FIG4: variants seen among roughly 807,000 people sequenced by gnomAD.
FIG4 encodes the protein FIG4 phosphoinositide 5-phosphatase.
A neutral mutation model predicts 118.6 loss-of-function variants in FIG4; 112 were observed. That is an observed-to-expected ratio of 0.94 (90% CI 0.81 to 1.11). The LOEUF (loss-of-function observed/expected upper bound fraction) is 1.11, where lower values mean the gene tolerates loss of function less well. FIG4 is among the 50% of genes least tolerant of loss of function. The pLI is 0.00. For missense variants in FIG4, 969 were observed against 1,111.7 expected, an observed-to-expected ratio of 0.87 and a Z score of 1.83; for synonymous variants, 369 against 381.2, an observed-to-expected ratio of 0.97 and a Z score of 0.37.
chr6:109,795,095 GTTTTTTTTTTTTTTTTTTTTTT>G (rs571649446), intron 21 of FIG4, among the ~76,000 whole-genome samples: 15 of 57,250 alleles, frequency 2.6e-4, no homozygotes, highest in South Asian at 1.4e-3. Context: ...ACACTTGCCA[GTTTTTTTTTTTTTTTTTTTTTT>G]TTTTTTTTTT....
chr6:109,705,680 T>A (rs1447085895), intron 1 of FIG4, among the ~76,000 whole-genome samples: 2 of 152,132 alleles, frequency 1.3e-5, no homozygotes, highest in Admixed American at 1.3e-4. Context: ...CATGTCAGGA[T>A]TTATATCTGT....
intron 9 of FIG4, 82 bp downstream of exon 9, chr6:109,743,354 T>C (rs1348063197): frequency 7.1e-7 from 1 of 1,406,086 alleles, no homozygotes; most frequent in Non-Finnish European, 1.0e-6. Context: ...ATCTCATAAA[T>C]GCTTAGGTTT....
rs549476604 is a variant in FIG4, at chr6:109,718,220, C to T, written c.289+1652C>T. On this transcript the variant is annotated intron_variant, in intron 3 of 22. Coordinates refer to ENST00000230124, the MANE Select transcript of FIG4 (RefSeq NM_014845.6). ...CAGATCTCATGACAACTCTGTATCACGAGAACAGCACCAAAGGGGTGGTTG... is the reference window on the plus strand; with the variant it reads ...CAGATCTCATGACAACTCTGTATCATGAGAACAGCACCAAAGGGGTGGTTG... Among the ~76,000 whole-genome samples, 53 of 152,234 alleles carry T rather than the reference C, an allele frequency of 3.5e-4. No homozygotes were observed. In the South Asian group the frequency reaches 6.0e-3, roughly 17 times the overall value.
At chr6:109,764,274 T>C (rs927821053) in intron 13 of FIG4, among the ~76,000 whole-genome samples, 1 of 151,846 alleles carries the variant, frequency 6.6e-6, no homozygotes, top group Non-Finnish European at 1.5e-5. Flanking sequence ...CTGTCTCTAC[T>C]AAAAATACAA....
chr6:109,741,803 A>AT (rs1776332446), intron 8 of FIG4, among the ~76,000 whole-genome samples: 1 of 152,118 alleles, frequency 6.6e-6, no homozygotes, highest in Non-Finnish European at 1.5e-5. Flanking sequence ...GTATACTTTA[A>AT]ATCATCTCTA....
At position 109,767,019 on chromosome 6, in the gene FIG4, T is replaced by C; in HGVS notation, c.1750+124T>C. On this transcript the variant is annotated intron_variant, in intron 15 of 22. Transcript: ENST00000230124. The stretch of plus-strand genomic sequence containing the variant: ...TTTTAAAAGTTTAAATAAAACAGTC[T>C]GTCACTTAGAAGGTGCTCAGTAAAT... 5.1e-6 allele frequency: 4 copies of C among 780,640 alleles called. No homozygotes were observed. In the South Asian group the frequency reaches 6.5e-5, roughly 13 times the overall value. The allele number at this position is 780,640 out of a possible 1,614,324, so 48.4% of individuals were successfully genotyped here. A position where few individuals can be genotyped will look rare whatever the true frequency, so the allele number is the denominator to read the frequency against.
intron 18 of FIG4, among the ~76,000 whole-genome samples, chr6:109,787,321 T>C (rs1778000083): frequency 6.6e-6 from 1 of 152,224 alleles, no homozygotes; most frequent in Non-Finnish European, 1.5e-5. Context: ...GCTTATACTT[T>C]GTGTGGTACA....
rs1248980452 is a variant in FIG4, at chr6:109,729,777, A to C, written c.446+2512A>C. ...TGACAGAGTGAGACCCTGCCTCAAA[A>C]AAAAAAAAAAAAGATTAAAAGAAGA... is the stretch of plus-strand genomic sequence containing the variant. On this transcript the variant is annotated intron_variant, in intron 4 of 22. Transcript: ENST00000230124. Among the ~76,000 whole-genome samples the C allele has an allele frequency of 5.7e-3, 856 of 150,654 alleles. 3 individuals are homozygous for C. Among genetic ancestry groups the C allele is most frequent in the African/African-American group, 0.02 (819 of 41,266 alleles).
chr6:109,728,266 G>A (rs780270310), intron 4 of FIG4, among the ~76,000 whole-genome samples: 27 of 152,226 alleles, frequency 1.8e-4, no homozygotes, highest in East Asian at 3.9e-4. Flanking sequence ...AGGAGAGAGC[G>A]CTAAAAGTGA....
At position 109,825,277 on chromosome 6, in the gene FIG4, G is replaced by A. The variant is rs529108934; in HGVS notation, c.*12G>A. The A allele has an allele frequency of 6.2e-7, 1 of 1,612,850 alleles. No individual in the cohort carries two copies. Among genetic ancestry groups the A allele is most frequent in the South Asian group, 1.1e-5 (1 of 91,048 alleles). ...ACCGCTACCTGTGAAAAGAGCGCAGGTCCACCTGGTGGACACGTCTGATTA... is the reference window on the plus strand; with the variant it reads ...ACCGCTACCTGTGAAAAGAGCGCAGATCCACCTGGTGGACACGTCTGATTA... On this transcript the variant is annotated 3_prime_UTR_variant, in exon 23 of 23. Coordinates refer to ENST00000230124, the MANE Select transcript of FIG4 (RefSeq NM_014845.6).
intron 14 of FIG4, among the ~76,000 whole-genome samples, chr6:109,765,772 C>A (rs1777261788): frequency 6.6e-6 from 1 of 152,136 alleles, no homozygotes; most frequent in Non-Finnish European, 1.5e-5. Flanking sequence ...TCTTCACTGT[C>A]TATTGGATCT....
At position 109,691,449 on chromosome 6, in the gene FIG4, C is replaced by T. The variant is rs915749340; in HGVS notation, c.14C>T (p.Ala5Val). 4.5e-5 allele frequency: 72 copies of T among 1,583,328 alleles called. No individual in the cohort carries two copies. Among genetic ancestry groups the T allele is most frequent in the Non-Finnish European group, 5.8e-5 (68 of 1,164,572 alleles). Residue 5 changes from alanine (A) to valine (V), a missense_variant, in exon 1 of 23, where the codon GCC becomes GTC. Around this residue, in one of 3 missense-constraint regions of FIG4, gnomAD observed 393 missense variants for 409.4 expected, o/e 0.96. Coordinates refer to ENST00000230124, the MANE Select transcript of FIG4 (RefSeq NM_014845.6). The stretch of plus-strand genomic sequence containing the variant: ...TTTGCCGCCGCCATGCCCACGGCCG[C>T]CGCCCCCATCATCAGCTCGGTCCAG... MPTA[A>V]APIISSVQKL... is the part of the protein sequence containing the mutation.
intron 14 of FIG4, 74 bp downstream of exon 14, chr6:109,765,235 A>AT (rs1777247048): frequency 7.9e-7 from 1 of 1,263,090 alleles, no homozygotes; most frequent in Non-Finnish European, 1.2e-6. Flanking sequence ...AGATTTTTTT[A>AT]TGAAAGCGTT....
At chr6:109,734,903 G>A (rs534309420) in intron 5 of FIG4, among the ~76,000 whole-genome samples, 49 of 152,226 alleles carry the variant, frequency 3.2e-4, no homozygotes, top group South Asian at 1.9e-3. Context: ...ATCAAATAAC[G>A]TAGGTTACTG....
At chr6:109,752,875 T>C (rs1017732828) in intron 10 of FIG4, among the ~76,000 whole-genome samples, 1 of 152,222 alleles carries the variant, frequency 6.6e-6, no homozygotes, top group Non-Finnish European at 1.5e-5. Flanking sequence ...TGGCTTTTGT[T>C]GCCATTGCTT....
In FIG4 at chr6:109,746,202, C is replaced by T. The variant is rs112939469; in HGVS notation, c.1137+2430C>T. Among the ~76,000 whole-genome samples the T allele has an allele frequency of 6.1e-3, 935 of 152,230 alleles. 14 individuals are homozygous for T. The highest frequency in any genetic ancestry group is 0.021 in the African/African-American group (888 of 41,548). On this transcript the variant is annotated intron_variant, in intron 10 of 22. Transcript: ENST00000230124. ...AAACCGGCTAGCCATATGCAGAAAA[C>T]TGAAACTGGGTCCCTTCCTTACACC...
chr6:109,712,841 T>C (rs1199845667), intron 1 of FIG4, among the ~76,000 whole-genome samples: 2 of 152,188 alleles, frequency 1.3e-5, no homozygotes, highest in African/African-American at 4.8e-5. Context: ...CTTGCACTGG[T>C]TCTTTCTCAT....
chr6:109,700,152 C>T (rs1774863330), intron 1 of FIG4, among the ~76,000 whole-genome samples: 1 of 152,144 alleles, frequency 6.6e-6, no homozygotes, highest in African/African-American at 2.4e-5. Context: ...ACATGTATAC[C>T]ATAGCAATCA....
chr6:109,769,107 CT>C (rs11419632), intron 15 of FIG4, among the ~76,000 whole-genome samples: 137 of 141,796 alleles, frequency 9.7e-4, no homozygotes, highest in Non-Finnish European at 8.3e-4. Flanking sequence ...AAGTAATGTG[CT>C]TTTTTTTTTT....
Sources: allele counts gnomAD v4.1 joint callset (sites outside exome capture counted in the v4.1 genomes callset), GRCh38; gene constraint gnomAD v4.1.1; regional missense constraint gnomAD v4.1.1; transcripts MANE v1.5; gene names NCBI Gene and HGNC (gene_info 2026-07-23, HGNC 2026-07-21).